Variants in PCDHGB5 observed in about 807,000 individuals in gnomAD.
PCDHGB5 encodes the protein protocadherin gamma subfamily B, 5.
In PCDHGB5, 48 loss-of-function variants were observed where a neutral mutation model predicts 62.9. The observed-to-expected ratio is 0.76, with a 90% confidence interval of 0.61 to 0.97. The LOEUF is 0.97. PCDHGB5 is among the 50% of genes least tolerant of loss of function. PCDHGB5 has a pLI of 0.00. For synonymous variants in PCDHGB5, 474 were observed against 511.2 expected (o/e 0.93, Z 0.98); for missense variants, 1,118 against 1,198.6 (o/e 0.93, Z 0.99).
Position 141,491,405 on chromosome 5 carries a change from A to C in PCDHGB5, c.2398-3402A>C. 6.2e-7 allele frequency: 1 copy of C among 1,614,096 alleles called. No individual in the cohort carries two copies. Among genetic ancestry groups the C allele is most frequent in the Non-Finnish European group, 8.5e-7 (1 of 1,179,998 alleles). On this transcript the variant is annotated intron_variant, in intron 1 of 3. Coordinates refer to ENST00000617380, the MANE Select transcript of PCDHGB5 (RefSeq NM_018925.3). This position sits in a 1 kb window ranked among gnomAD's most constrained non-coding sequence, Gnocchi z 6.9. ...GCGAAGTGCCTTCAGGGAAACGCAG[A>C]CGGGGACGGGGGTGGAGGGCAGTGC... is the stretch of plus-strand genomic sequence containing the variant.
chr5:141,409,648 G>A, intron 1 of PCDHGB5: 2 of 1,613,692 alleles, frequency 1.2e-6, no homozygotes, highest in East Asian at 4.5e-5. Context: ...CGGATTTGGG[G>A]CTCAATGGCC....
chr5:141,416,096 T>C (rs2095991930), intron 1 of PCDHGB5: 1 of 161,152 alleles, frequency 6.2e-6, no homozygotes, highest in South Asian at 2.0e-4. Flanking sequence ...AGAAGGGCAA[T>C]AGGCCTTTTT....
chr5:141,471,044 CT>C (rs1432278092), intron 1 of PCDHGB5, among the ~76,000 whole-genome samples: 3 of 136,442 alleles, frequency 2.2e-5, no homozygotes. Flanking sequence ...AGCCCAAGCC[CT>C]CTTTTTTTTT....
At chr5:141,436,327 C>T (rs1384222077) in intron 1 of PCDHGB5, among the ~76,000 whole-genome samples, 1 of 152,098 alleles carries the variant, frequency 6.6e-6, no homozygotes, top group Admixed American at 6.5e-5. Flanking sequence ...ACTGTTAGAC[C>T]ATATCTCAAA....
intron 1 of PCDHGB5, among the ~76,000 whole-genome samples, chr5:141,438,593 T>C (rs982159150): frequency 4.1e-5 from 3 of 73,984 alleles, no homozygotes; most frequent in Non-Finnish European, 5.5e-5. Flanking sequence ...CATACATACA[T>C]ATATATATAT....
intron 1 of PCDHGB5, chr5:141,421,518 TGA>T: frequency 6.2e-7 from 1 of 1,614,058 alleles, no homozygotes; most frequent in Non-Finnish European, 8.5e-7. Flanking sequence ...AGGAGCTCTG[TGA>T]GACGGTGTCC....
chr5:141,477,162 C>A lies in PCDHGB5; in HGVS notation c.2398-17645C>A, dbSNP rs147392557. ...GAGGTTGTGGATGTGAATGACAACG[C>A]CCCGGAGATCACAGTCACCTCCGTG... On this transcript the variant is annotated intron_variant, in intron 1 of 3. Transcript: ENST00000617380. This position sits in a 1 kb window ranked among gnomAD's most constrained non-coding sequence, Gnocchi z 4.9. 3.5e-5 allele frequency: 57 copies of A among 1,614,162 alleles called. No homozygotes were observed. The Middle Eastern group carries it at 9.9e-4, about 28-fold the overall frequency.
rs758132181 is a variant in PCDHGB5, at chr5:141,486,827, C to T, written c.2398-7980C>T. On this transcript the variant is annotated intron_variant, in intron 1 of 3. Coordinates refer to ENST00000617380, the MANE Select transcript of PCDHGB5 (RefSeq NM_018925.3). This position sits in a 1 kb window ranked among gnomAD's most constrained non-coding sequence, Gnocchi z 5.0. The stretch of plus-strand genomic sequence containing the variant: ...ACCCCTTAGCAGCACTGTAACAGTT[C>T]GTCTATTTGTGCTGGACCTCAATGA... 10 of 1,614,110 alleles carry T rather than the reference C, an allele frequency of 6.2e-6. No individual in the cohort carries two copies. The African/African-American group carries it at 8.0e-5, about 13-fold the overall frequency.
At chr5:141,407,453 C>G (rs914537742) in intron 1 of PCDHGB5, among the ~76,000 whole-genome samples, 18 of 148,834 alleles carry the variant, frequency 1.2e-4, no homozygotes, top group African/African-American at 4.4e-4. Flanking sequence ...ACACGAGGCT[C>G]ACCAGACAGA....
At chr5:141,460,035 A>G (rs1246945474) in intron 1 of PCDHGB5, among the ~76,000 whole-genome samples, 1 of 152,140 alleles carries the variant, frequency 6.6e-6, no homozygotes, top group Non-Finnish European at 1.5e-5. Context: ...CCGAGACTGC[A>G]CCACTGCACT....
intron 1 of PCDHGB5, chr5:141,410,538 T>TG (rs768720792): frequency 8.1e-6 from 13 of 1,613,830 alleles, no homozygotes; most frequent in Non-Finnish European, 1.1e-5. Flanking sequence ...AATGAAGACA[T>TG]GGTTTGCAGT....
Position 141,404,841 on chromosome 5 carries a change from G to A in PCDHGB5, c.2397+4317G>A, listed in dbSNP as rs765291212. The stretch of plus-strand genomic sequence containing the variant: ...CACACAGGTGAAGTGCGCACAGCTC[G>A]GGCCCTGCTAGATAGAGATGCGCTC... On this transcript the variant is annotated intron_variant, in intron 1 of 3. Coordinates refer to ENST00000617380, the MANE Select transcript of PCDHGB5 (RefSeq NM_018925.3). 1.1e-5 allele frequency: 17 copies of A among 1,613,886 alleles called. No individual in the cohort carries two copies. Among genetic ancestry groups the A allele is most frequent in the Non-Finnish European group, 1.4e-5 (16 of 1,179,920 alleles).
chr5:141,485,632 G>T lies in PCDHGB5; in HGVS notation c.2398-9175G>T. The T allele has an allele frequency of 6.2e-7, 1 of 1,611,766 alleles. No homozygotes were observed. Among genetic ancestry groups the T allele is most frequent in the Non-Finnish European group, 8.5e-7 (1 of 1,178,342 alleles). The stretch of plus-strand genomic sequence containing the variant: ...CAGCTCCTCCAGGACAGCGTTTCCC[G>T]TTGGAAAAGGCTCAGGATGCAGATG... On this transcript the variant is annotated intron_variant, in intron 1 of 3. Coordinates refer to ENST00000617380, the MANE Select transcript of PCDHGB5 (RefSeq NM_018925.3). This position sits in a 1 kb window ranked among gnomAD's most constrained non-coding sequence, Gnocchi z 5.7.
rs141151122 is a variant in PCDHGB5, at chr5:141,491,445, C to T, written c.2398-3362C>T. ...GAGGGCAGTGCTGCAGGCGCCAGGA[C>T]TCACCCTCCCCGGACTTCTATAAGC... is the stretch of plus-strand genomic sequence containing the variant. On this transcript the variant is annotated intron_variant, in intron 1 of 3. Transcript: ENST00000617380. This position sits in a 1 kb window ranked among gnomAD's most constrained non-coding sequence, Gnocchi z 6.9. 1 of 1,614,112 alleles carries T rather than the reference C, an allele frequency of 6.2e-7. No individual in the cohort carries two copies. The highest frequency in any genetic ancestry group is 8.5e-7 in the Non-Finnish European group (1 of 1,180,032).
At chr5:141,452,897 T>C (rs1447851469) in intron 1 of PCDHGB5, among the ~76,000 whole-genome samples, 1 of 152,230 alleles carries the variant, frequency 6.6e-6, no homozygotes, top group Non-Finnish European at 1.5e-5. Flanking sequence ...CCACTTTTAT[T>C]AGTTGGCATT....
Position 141,402,817 on chromosome 5 carries a change from C to T in PCDHGB5, c.2397+2293C>T, listed in dbSNP as rs1040353038. On this transcript the variant is annotated intron_variant, in intron 1 of 3. Transcript: ENST00000617380. ...ACAAAACCCGGCAGATACCACAAACCTGCTCCCAGGCTGCAGCAAAACTCA... is the reference window on the plus strand; with the variant it reads ...ACAAAACCCGGCAGATACCACAAACTTGCTCCCAGGCTGCAGCAAAACTCA... The T allele has an allele frequency of 6.3e-6, 8 of 1,267,616 alleles. No homozygotes were observed. In the African/African-American group the frequency reaches 1.2e-4, roughly 19 times the overall value. The allele number at this position is 1,267,616 out of a possible 1,614,324, so 78.5% of individuals were successfully genotyped here.
intron 1 of PCDHGB5, chr5:141,428,502 G>T: frequency 7.1e-6 from 2 of 282,686 alleles, no homozygotes; most frequent in Non-Finnish European, 6.9e-6. Flanking sequence ...ATGTTCCCTC[G>T]GATTCTAGAA....
At chr5:141,488,687 GA>G (rs1238909682) in intron 1 of PCDHGB5, among the ~76,000 whole-genome samples, 1 of 152,192 alleles carries the variant, frequency 6.6e-6, no homozygotes, top group East Asian at 1.9e-4. Flanking sequence ...GCCTCTCCCA[GA>G]AGGACAAGAT....
chr5:141,427,494 A>G (rs1220750249), intron 1 of PCDHGB5: 1 of 560,916 alleles, frequency 1.8e-6, no homozygotes, highest in Non-Finnish European at 3.4e-6. Context: ...TAAGCTTGTA[A>G]CAGATGGGAC....
Sources: allele counts gnomAD v4.1 joint callset (sites outside exome capture counted in the v4.1 genomes callset), GRCh38; gene constraint gnomAD v4.1.1; non-coding constraint Gnocchi (gnomAD v3.1); transcripts MANE v1.5; gene names NCBI Gene and HGNC (gene_info 2026-07-23, HGNC 2026-07-21).